The following CDH13 variants were observed in gnomAD, a reference collection of about 807,000 sequenced individuals.
The protein encoded by CDH13 is cadherin 13.
A neutral mutation model predicts 63.8 loss-of-function variants in CDH13; 24 were observed. The observed-to-expected ratio is 0.38, with a 90% CI of 0.27 to 0.53. The LOEUF is 0.53. Among genes scored for constraint, CDH13 ranks in the 20% least tolerant of loss-of-function variants. The pLI, the probability that CDH13 is intolerant of heterozygous loss-of-function variation, is 0.85. For missense variants in CDH13, 1,049 were observed against 903.1 expected (o/e 1.16, Z -2.07); for synonymous variants, 503 against 355.3 (o/e 1.42, Z -4.67).
Position 83,285,679 on chromosome 16 carries a change from G to A in CDH13, c.637-59183G>A, listed in dbSNP as rs779410407. ...ATAGGTTGCATGCCGATACTTTGCC[G>A]CTTTATATAAGAGACTTGAGCATTC... On this transcript the variant is annotated intron_variant, in intron 5 of 13. Coordinates refer to ENST00000567109, the MANE Select transcript of CDH13 (RefSeq NM_001257.5). Among the ~76,000 whole-genome samples the A allele has an allele frequency of 7.2e-5, 11 of 152,250 alleles. No homozygotes were observed. The South Asian group carries it at 1.0e-3, about 14-fold the overall frequency.
At chr16:82,639,123 A>G (rs1324092937) in intron 1 of CDH13, among the ~76,000 whole-genome samples, 1 of 152,126 alleles carries the variant, frequency 6.6e-6, no homozygotes, top group African/African-American at 2.4e-5. Flanking sequence ...CTAGTATATA[A>G]AAGTTGCCTT....
intron 10 of CDH13, among the ~76,000 whole-genome samples, chr16:83,707,836 C>CAAAAAAAAAAAAAAAAA (rs61067563): frequency 0.011 from 836 of 78,782 alleles, 90 homozygotes; most frequent in Non-Finnish European, 0.014. Context: ...ACCCTAAAGG[C>CAAAAAAAAAAAAAAAAA]AAAAAAAAAA....
intron 6 of CDH13, among the ~76,000 whole-genome samples, chr16:83,424,824 A>T (rs139393742): frequency 0.016 from 2,436 of 152,298 alleles, 30 homozygotes; most frequent in Non-Finnish European, 0.025. Flanking sequence ...GGTTGATTAG[A>T]CAGGTAGCTC....
At chr16:82,710,206 C>T (rs1053988885) in intron 1 of CDH13, among the ~76,000 whole-genome samples, 2 of 142,328 alleles carry the variant, frequency 1.4e-5, no homozygotes, top group Non-Finnish European at 3.1e-5. Context: ...TTATATATTA[C>T]ATTAATTTAT....
intron 4 of CDH13, among the ~76,000 whole-genome samples, chr16:83,174,526 C>G (rs1017776160): frequency 4.6e-5 from 7 of 151,846 alleles, no homozygotes; most frequent in African/African-American, 1.7e-4. Context: ...TAAAGAGGAC[C>G]CTTTATGCTT....
chr16:83,498,360 G>A (rs771954439), intron 7 of CDH13, among the ~76,000 whole-genome samples: 1 of 152,164 alleles, frequency 6.6e-6, no homozygotes, highest in Non-Finnish European at 1.5e-5. Flanking sequence ...GTAAAACTGA[G>A]ATTATTCTAG....
chr16:83,786,494 T>C (rs999928385), intron 13 of CDH13, among the ~76,000 whole-genome samples: 3 of 152,324 alleles, frequency 2.0e-5, no homozygotes, highest in South Asian at 2.1e-4. Flanking sequence ...GACAGATGGA[T>C]AAATGAAAGG....
At chr16:83,737,060 A>AGC (rs1454434970) in intron 10 of CDH13, among the ~76,000 whole-genome samples, 1 of 152,142 alleles carries the variant, frequency 6.6e-6, no homozygotes, top group East Asian at 1.9e-4. Context: ...AAAGGGTGGG[A>AGC]GCTCAAAACA....
chr16:83,373,821 A>G (rs1010544956), intron 6 of CDH13, among the ~76,000 whole-genome samples: 3 of 152,150 alleles, frequency 2.0e-5, no homozygotes, highest in Non-Finnish European at 4.4e-5. Flanking sequence ...GGAATGAAGG[A>G]AGAGTCACTG....
intron 5 of CDH13, among the ~76,000 whole-genome samples, chr16:83,302,676 C>G (rs2089776826): frequency 6.6e-6 from 1 of 152,038 alleles, no homozygotes; most frequent in South Asian, 2.1e-4. Flanking sequence ...AGCTCATAGT[C>G]TAAGAGTGGA....
intron 2 of CDH13, among the ~76,000 whole-genome samples, chr16:82,865,085 T>G (rs1432039256): frequency 2.0e-5 from 3 of 152,330 alleles, no homozygotes; most frequent in African/African-American, 7.2e-5. Flanking sequence ...ATGCAAGAGG[T>G]GGGTTCTCAC....
At chr16:82,897,961 A>G (rs929774821) in intron 2 of CDH13, among the ~76,000 whole-genome samples, 2 of 152,234 alleles carry the variant, frequency 1.3e-5, no homozygotes, top group African/African-American at 4.8e-5. Flanking sequence ...GATGCTTATC[A>G]TCTGCACCGT....
At chr16:83,209,216 T>G (rs1467634684) in intron 4 of CDH13, among the ~76,000 whole-genome samples, 1 of 152,192 alleles carries the variant, frequency 6.6e-6, no homozygotes, top group Non-Finnish European at 1.5e-5. Flanking sequence ...TTAGCACCCT[T>G]TCCCTAACAT....
At chr16:83,074,728 C>G (rs1412788724) in intron 3 of CDH13, among the ~76,000 whole-genome samples, 1 of 152,200 alleles carries the variant, frequency 6.6e-6, no homozygotes, top group Non-Finnish European at 1.5e-5. Flanking sequence ...GCCATCGTCT[C>G]ACACAGTCCT....
At chr16:82,708,656 C>T (rs1427805051) in intron 1 of CDH13, among the ~76,000 whole-genome samples, 1 of 152,084 alleles carries the variant, frequency 6.6e-6, no homozygotes, top group Non-Finnish European at 1.5e-5. Flanking sequence ...CTGATTCGCC[C>T]AGCTCAAGAT....
At chr16:83,080,269 T>G (rs76522777) in intron 3 of CDH13, among the ~76,000 whole-genome samples, 4,553 of 152,268 alleles carry the variant, frequency 0.03, 230 homozygotes, top group African/African-American at 0.1. Flanking sequence ...GACAGCCAGC[T>G]GTTTGGTCCC....
intron 2 of CDH13, among the ~76,000 whole-genome samples, chr16:82,906,288 A>C (rs1260176373): frequency 6.6e-6 from 1 of 152,066 alleles, no homozygotes; most frequent in Non-Finnish European, 1.5e-5. Flanking sequence ...AGCTTAGCAG[A>C]CCTCCATGGT....
At chr16:82,926,045 T>C (rs1478646487) in intron 2 of CDH13, 2 of 151,844 alleles carry the variant, frequency 1.3e-5, no homozygotes, top group Admixed American at 6.6e-5. Flanking sequence ...AGAAAAAAAA[T>C]AAAAATAAAA....
chr16:82,849,460 C>G (rs572536874), intron 1 of CDH13, among the ~76,000 whole-genome samples: 1 of 152,094 alleles, frequency 6.6e-6, no homozygotes, highest in Non-Finnish European at 1.5e-5. Flanking sequence ...TGAGATCACA[C>G]CACTGCACTC....
Sources: allele counts gnomAD v4.1 joint callset (sites outside exome capture counted in the v4.1 genomes callset), GRCh38; gene constraint gnomAD v4.1.1; transcripts MANE v1.5; gene names NCBI Gene and HGNC (gene_info 2026-07-23, HGNC 2026-07-21).